The following STOML3 variants were observed in gnomAD, a reference collection of about 807,000 sequenced individuals.
STOML3 encodes stomatin like 3.
STOML3 carries 31 observed loss-of-function variants against 29.5 expected under a neutral mutation model. The ratio of observed to expected loss-of-function variants is 1.05; its 90% CI spans 0.79 to 1.42. The LOEUF is 1.42. Among genes scored for constraint, STOML3 ranks in the 40% most tolerant of loss-of-function variants. The pLI is 0.00. For missense variants in STOML3, 380 were observed against 363.0 expected, an observed-to-expected ratio of 1.05 and a Z score of -0.38; for synonymous variants, 122 against 139.8, an observed-to-expected ratio of 0.87 and a Z score of 0.90.
chr13:38,979,770 T>C (rs954257940), intron 1 of STOML3, among the ~76,000 whole-genome samples: 1 of 152,216 alleles, frequency 6.6e-6, no homozygotes, highest in South Asian at 2.1e-4. Flanking sequence ...TGGGCTAATA[T>C]GCATCTTTAT....
At chr13:38,977,195 T>G (rs900152398) in intron 1 of STOML3, among the ~76,000 whole-genome samples, 1 of 152,196 alleles carries the variant, frequency 6.6e-6, no homozygotes, top group Non-Finnish European at 1.5e-5. Flanking sequence ...AAAGCACCCT[T>G]TAAGGCAGGT....
chr13:38,983,816 C>A (rs1881348475), intron 1 of STOML3, among the ~76,000 whole-genome samples: 1 of 152,162 alleles, frequency 6.6e-6, no homozygotes, highest in African/African-American at 2.4e-5. Flanking sequence ...AACACATTAT[C>A]TACTGTATGT....
intron 6 of STOML3, among the ~76,000 whole-genome samples, chr13:38,968,094 T>C (rs1880724053): frequency 6.6e-6 from 1 of 152,110 alleles, no homozygotes; most frequent in Admixed American, 6.6e-5. Context: ...AATTGGTATT[T>C]TGTTTTGTTT....
intron 6 of STOML3, 152 bp downstream of exon 6, chr13:38,968,248 T>G: frequency 1.6e-6 from 2 of 1,214,328 alleles, no homozygotes; most frequent in Middle Eastern, 2.9e-4. Flanking sequence ...CTGGTTACCT[T>G]TTAATTCAGG....
intron 4 of STOML3, 27 bp downstream of exon 4, chr13:38,972,485 G>A (rs761594803): frequency 1.0e-4 from 164 of 1,593,664 alleles, no homozygotes; most frequent in Non-Finnish European, 1.3e-4. Context: ...GTTTAATTTC[G>A]AGTGACATAT....
Position 38,988,123 on chromosome 13 carries a change from A to G in STOML3, c.52+2547T>C, listed in dbSNP as rs191557334. Among the ~76,000 whole-genome samples the G allele has an allele frequency of 5.6e-3, 508 of 91,086 alleles. 11 individuals are homozygous for G. The highest frequency in any genetic ancestry group is 0.018 in the African/African-American group (356 of 19,276). 59.8% of individuals were successfully genotyped at this position (91,086 alleles called of 152,430 possible). A position where few individuals can be genotyped will look rare whatever the true frequency, so the allele number is the denominator to read the frequency against. Reference sequence around the variant, plus strand: ...ATATTTTATATCATATATTTTATATATTATATTTTATATCATATATTTTAT... The same window carrying G: ...ATATTTTATATCATATATTTTATATGTTATATTTTATATCATATATTTTAT... On this transcript the variant is annotated intron_variant, in intron 1 of 6. Transcript: ENST00000379631.
At chr13:38,971,489 T>C (rs2138008334) in intron 4 of STOML3, among the ~76,000 whole-genome samples, 1 of 152,330 alleles carries the variant, frequency 6.6e-6, no homozygotes, top group East Asian at 1.9e-4. Flanking sequence ...CCCTCCCATA[T>C]CGTAGGTCCT....
intron 5 of STOML3, among the ~76,000 whole-genome samples, chr13:38,969,534 G>A (rs1880783421): frequency 2.0e-5 from 3 of 152,304 alleles, no homozygotes; most frequent in South Asian, 4.2e-4. Context: ...AGGGACTAGA[G>A]GAGAGGCCAA....
chr13:38,987,985 AAT>A (rs1649143603), intron 1 of STOML3, among the ~76,000 whole-genome samples: 1 of 92,884 alleles, frequency 1.1e-5, no homozygotes, highest in Non-Finnish European at 1.9e-5. Context: ...TGTTATATAT[AAT>A]ATATTATATT....
At chr13:38,981,084 C>A (rs1294971120) in intron 1 of STOML3, among the ~76,000 whole-genome samples, 1 of 152,162 alleles carries the variant, frequency 6.6e-6, no homozygotes, top group Admixed American at 6.5e-5. Flanking sequence ...AGAGAGGCAC[C>A]CATGAACTTC....
chr13:38,985,380 G>A (rs145481684), intron 1 of STOML3, among the ~76,000 whole-genome samples: 17 of 152,212 alleles, frequency 1.1e-4, no homozygotes, highest in Admixed American at 9.2e-4. Context: ...CCGAGATCGC[G>A]CTACTGCATT....
chr13:38,990,047 T>G (rs1335266316), intron 1 of STOML3, among the ~76,000 whole-genome samples: 3 of 152,146 alleles, frequency 2.0e-5, no homozygotes, highest in African/African-American at 7.2e-5. Flanking sequence ...CTCAGAATTA[T>G]TGTAAAATTG....
At position 38,977,750 on chromosome 13, in the gene STOML3, A is replaced by ATTTTT. The variant is rs397851686; in HGVS notation, c.53-958_53-954dup. 1.1e-3 allele frequency among the ~76,000 whole-genome samples: 90 copies of ATTTTT among 84,232 alleles called. 1 individual carries two copies. Among genetic ancestry groups the ATTTTT allele is most frequent in the Non-Finnish European group, 1.4e-3 (59 of 43,512 alleles). The allele number at this position is 84,232 out of a possible 152,430, so 55.3% of individuals were successfully genotyped here. ...ATTATATAATTTCTGAAGTCTCCGG[A>ATTTTT]TTTTTTTTTTTTTTTTTTTTTTTTT... On this transcript the variant is annotated intron_variant, in intron 1 of 6. Transcript: ENST00000379631.
chr13:38,989,716 C>G (rs1443841822), intron 1 of STOML3, among the ~76,000 whole-genome samples: 1 of 152,126 alleles, frequency 6.6e-6, no homozygotes, highest in African/African-American at 2.4e-5. Context: ...AGGCTGGTCT[C>G]GAACTCCTGA....
intron 1 of STOML3, among the ~76,000 whole-genome samples, chr13:38,988,117 T>TTATATCA (rs1300133132): frequency 7.9e-5 from 8 of 101,852 alleles, no homozygotes; most frequent in South Asian, 3.4e-4. Context: ...ATCATATATT[T>TTATATCA]TATATATTAT....
At chr13:38,967,137 C>T (rs1026648906) in intron 6 of STOML3, 88 bp from the exon 7 acceptor site, 13 of 1,178,226 alleles carry the variant, frequency 1.1e-5, no homozygotes, top group African/African-American at 1.5e-5. Context: ...TGATACCCCT[C>T]TCCCCAGCCC....
chr13:38,971,786 G>A (rs958395478), intron 4 of STOML3, among the ~76,000 whole-genome samples: 6 of 152,156 alleles, frequency 3.9e-5, no homozygotes, highest in African/African-American at 9.6e-5. Context: ...TTAGCTGGGC[G>A]TGGTGACAGG....
intron 1 of STOML3, among the ~76,000 whole-genome samples, chr13:38,981,713 G>A (rs1025290833): frequency 2.6e-5 from 4 of 152,196 alleles, no homozygotes; most frequent in Non-Finnish European, 4.4e-5. Flanking sequence ...CAAAACCACC[G>A]TAAGATTCCA....
chr13:38,990,484 G>C (rs1481730770), intron 1 of STOML3, among the ~76,000 whole-genome samples, 186 bp downstream of exon 1: 3 of 152,100 alleles, frequency 2.0e-5, no homozygotes, highest in Admixed American at 2.0e-4. Context: ...GCAAGTTATA[G>C]ACTGCCGTTC....
Sources: gnomAD v4.1 joint callset for allele counts (sites outside exome capture counted in the v4.1 genomes callset) on GRCh38, gnomAD v4.1.1 for gene constraint, MANE v1.5 for transcripts, NCBI Gene and HGNC (gene_info 2026-07-23, HGNC 2026-07-21) for gene names.